ABTB3: variants seen among roughly 807,000 people sequenced by gnomAD.
ABTB3 encodes the protein ankyrin repeat- and BTB/POZ domain-containing protein 3.
the ABTB3 span, chr12:107,520,196 C>T: frequency 2.0e-6 from 2 of 985,290 alleles, no homozygotes; most frequent in Non-Finnish European, 2.4e-6. Context: ...GATAGCAACC[C>T]TTCCAGGCCC....
the ABTB3 span, among the ~76,000 whole-genome samples, chr12:107,335,934 A>C: frequency 2.6e-5 from 4 of 152,186 alleles, no homozygotes; most frequent in Non-Finnish European, 5.9e-5. Context: ...CAACAACTGG[A>C]TGCTTCACAG....
At chr12:107,541,475 A>G in the ABTB3 span, among the ~76,000 whole-genome samples, 1 of 152,248 alleles carries the variant, frequency 6.6e-6, no homozygotes, top group Non-Finnish European at 1.5e-5. Flanking sequence ...TGAGAAAGTC[A>G]TTTATTTTAA....
chr12:107,390,191 G>A, the ABTB3 span, among the ~76,000 whole-genome samples: 6 of 152,298 alleles, frequency 3.9e-5, no homozygotes, highest in East Asian at 9.7e-4. Flanking sequence ...ACAGCTCATA[G>A]GCAATGAACC....
At chr12:107,573,722 G>A in the ABTB3 span, among the ~76,000 whole-genome samples, 2 of 152,214 alleles carry the variant, frequency 1.3e-5, no homozygotes, top group Admixed American at 6.5e-5. Context: ...GAGAAGAGTT[G>A]AGGTTGCAGC....
the ABTB3 span, chr12:107,657,367 A>G: frequency 2.6e-5 from 19 of 724,052 alleles, no homozygotes; most frequent in Non-Finnish European, 4.3e-5. Flanking sequence ...GTCATACCCC[A>G]TGGGTGTGTG....
chr12:107,320,679 A>T, the ABTB3 span: 1 of 455,956 alleles, frequency 2.2e-6, no homozygotes, highest in Non-Finnish European at 4.4e-6. Context: ...TGTCGGTGCC[A>T]AGTTTTTCCA....
chr12:107,628,974 G>A, the ABTB3 span, among the ~76,000 whole-genome samples: 1 of 152,170 alleles, frequency 6.6e-6, no homozygotes, highest in African/African-American at 2.4e-5. Flanking sequence ...GGACCTTTGG[G>A]AGTAATCCTA....
At chr12:107,482,684 C>A in the ABTB3 span, among the ~76,000 whole-genome samples, 1 of 152,110 alleles carries the variant, frequency 6.6e-6, no homozygotes, top group African/African-American at 2.4e-5. Context: ...ATGCCACCTC[C>A]TCACTGCCCA....
At chr12:107,465,980 T>C in the ABTB3 span, among the ~76,000 whole-genome samples, 1 of 152,208 alleles carries the variant, frequency 6.6e-6, no homozygotes, top group East Asian at 1.9e-4. Flanking sequence ...AGCATCGTGC[T>C]AGAGGCTGAG....
chr12:107,496,583 C>T, the ABTB3 span, among the ~76,000 whole-genome samples: 1 of 152,138 alleles, frequency 6.6e-6, no homozygotes, highest in African/African-American at 2.4e-5. Context: ...CCTGAAGTGA[C>T]CAAGTCTGCC....
chr12:107,551,416 G>A, the ABTB3 span, among the ~76,000 whole-genome samples: 5 of 152,186 alleles, frequency 3.3e-5, no homozygotes, highest in Admixed American at 2.6e-4. Context: ...TGTAACTTGA[G>A]CATTGTGGCA....
At chr12:107,385,120 C>T in the ABTB3 span, among the ~76,000 whole-genome samples, 1 of 152,320 alleles carries the variant, frequency 6.6e-6, no homozygotes, top group African/African-American at 2.4e-5. Flanking sequence ...CTTTTTCTTT[C>T]CTCGAAGGCA....
chr12:107,598,295 G>A, the ABTB3 span, among the ~76,000 whole-genome samples: 7 of 152,356 alleles, frequency 4.6e-5, no homozygotes, highest in African/African-American at 1.7e-4. Flanking sequence ...AACACAGGAT[G>A]GGGAAGATGC....
chr12:107,488,316 C>T, the ABTB3 span, among the ~76,000 whole-genome samples: 1 of 152,088 alleles, frequency 6.6e-6, no homozygotes, highest in Non-Finnish European at 1.5e-5. Context: ...TGTCAAAACT[C>T]TTCAAGCAGT....
chr12:107,620,305 C>CT, the ABTB3 span: 1 of 1,098,276 alleles, frequency 9.1e-7, no homozygotes, highest in African/African-American at 1.6e-5. Context: ...TGTAGCCCAG[C>CT]AGACGAAAGC....
chr12:107,430,808 C>G, the ABTB3 span, among the ~76,000 whole-genome samples: 1 of 152,162 alleles, frequency 6.6e-6, no homozygotes, highest in Non-Finnish European at 1.5e-5. Flanking sequence ...TTATGAAATA[C>G]CTTCTGTCAT....
the ABTB3 span, among the ~76,000 whole-genome samples, chr12:107,443,886 G>T: frequency 6.6e-6 from 1 of 152,296 alleles, no homozygotes; most frequent in East Asian, 1.9e-4. Flanking sequence ...TGAAATGTGG[G>T]TGCTCCACCA....
chr12:107,550,060 G>A, the ABTB3 span, among the ~76,000 whole-genome samples: 1 of 152,150 alleles, frequency 6.6e-6, no homozygotes, highest in Non-Finnish European at 1.5e-5. Context: ...ATCTGATACT[G>A]TCCTGCTGGG....
At chr12:107,646,098 C>G in the ABTB3 span, among the ~76,000 whole-genome samples, 2 of 152,240 alleles carry the variant, frequency 1.3e-5, no homozygotes, top group African/African-American at 4.8e-5. Context: ...AAGGGCCGGA[C>G]GCAGCTGAGG....
Sources: gnomAD v4.1 joint callset for allele counts (sites outside exome capture counted in the v4.1 genomes callset) on GRCh38, gnomAD v4.1.1 for gene constraint, MANE v1.5 for transcripts, NCBI Gene and HGNC (gene_info 2026-07-23, HGNC 2026-07-21) for gene names.